Variants in SLC39A11 observed in about 807,000 individuals in gnomAD.
The protein encoded by SLC39A11 is solute carrier family 39 member 11, also known as zinc transporter ZIP11.
Under a neutral mutation model 36.1 loss-of-function variants are expected in SLC39A11, and 33 were observed. That is an observed-to-expected ratio of 0.91 (90% CI 0.69 to 1.22). SLC39A11 has a LOEUF of 1.22. Ranked by LOEUF, SLC39A11 falls within the 50% of genes most tolerant of loss-of-function variation. The pLI is 0.00. For synonymous variants in SLC39A11, 166 were observed against 170.3 expected (o/e 0.97, Z 0.20); for missense variants, 432 against 430.3 (o/e 1.00, Z -0.03).
At chr17:72,726,849 T>C (rs2073952629) in intron 7 of SLC39A11, among the ~76,000 whole-genome samples, 1 of 152,222 alleles carries the variant, frequency 6.6e-6, no homozygotes, top group African/African-American at 2.4e-5. Context: ...CCTCCATGTG[T>C]AATTTAATGG....
intron 6 of SLC39A11, among the ~76,000 whole-genome samples, chr17:72,847,967 A>T (rs2079127409): frequency 6.6e-6 from 1 of 152,214 alleles, no homozygotes; most frequent in African/African-American, 2.4e-5. Context: ...CCTGGGGAAG[A>T]TTATTGCTCA....
intron 5 of SLC39A11, among the ~76,000 whole-genome samples, chr17:72,927,525 C>T (rs1009160117): frequency 2.6e-5 from 4 of 152,108 alleles, no homozygotes; most frequent in African/African-American, 9.7e-5. Context: ...TGCTTTAAAA[C>T]AAAAAACTCC....
At chr17:73,069,413 T>A (rs1003070951) in intron 3 of SLC39A11, among the ~76,000 whole-genome samples, 2 of 152,220 alleles carry the variant, frequency 1.3e-5, no homozygotes, top group African/African-American at 4.8e-5. Flanking sequence ...AAGTGCTCAC[T>A]AAATGGTTGA....
At chr17:72,848,085 G>A (rs1052572293) in intron 6 of SLC39A11, among the ~76,000 whole-genome samples, 26 of 152,290 alleles carry the variant, frequency 1.7e-4, no homozygotes, top group African/African-American at 5.8e-4. Flanking sequence ...CCAACAATGC[G>A]CTCGTAAGTC....
chr17:73,042,743 A>AG (rs1598987294), intron 3 of SLC39A11, among the ~76,000 whole-genome samples: 1 of 152,230 alleles, frequency 6.6e-6, no homozygotes, highest in East Asian at 1.9e-4. Flanking sequence ...CGGAGGTTGC[A>AG]GTGAGCCGAG....
chr17:73,046,125 C>T (rs997290876), intron 3 of SLC39A11, among the ~76,000 whole-genome samples: 9 of 152,148 alleles, frequency 5.9e-5, no homozygotes, highest in African/African-American at 2.2e-4. Flanking sequence ...GAGTTTCTCC[C>T]CCTTCACTCA....
At chr17:72,738,240 G>A (rs559450919) in intron 6 of SLC39A11, among the ~76,000 whole-genome samples, 37 of 152,180 alleles carry the variant, frequency 2.4e-4, no homozygotes, top group Admixed American at 5.9e-4. Context: ...TCCCGACCTC[G>A]TGATCCACCC....
At chr17:72,846,698 C>T (rs993446924) in intron 6 of SLC39A11, among the ~76,000 whole-genome samples, 3 of 152,148 alleles carry the variant, frequency 2.0e-5, no homozygotes, top group Non-Finnish European at 2.9e-5. Flanking sequence ...CATTCCATTG[C>T]TATAAAGTCT....
chr17:72,666,096 C>T (rs1484837770), intron 7 of SLC39A11, among the ~76,000 whole-genome samples: 2 of 152,124 alleles, frequency 1.3e-5, no homozygotes, highest in African/African-American at 2.4e-5. Context: ...CTCTGGGCCT[C>T]GGTGTCTTCA....
rs1431904156 is a variant in SLC39A11 at position 72,897,860 on chromosome 17, G to T, written c.431-48056C>A. ...AGTTGGGAGTCAGTGGTATACTGAG[G>T]GTAGTTAAAGTATCTCACAGAGAAA... On this transcript the variant is annotated intron_variant, in intron 5 of 9. Coordinates refer to ENST00000255559, the MANE Select transcript of SLC39A11 (RefSeq NM_139177.4). 2.6e-5 allele frequency among the ~76,000 whole-genome samples: 4 copies of T among 152,264 alleles called. No homozygotes were observed. The East Asian group carries it at 5.8e-4, about 22-fold the overall frequency.
intron 6 of SLC39A11, among the ~76,000 whole-genome samples, chr17:72,779,051 T>C (rs929602684): frequency 2.6e-5 from 4 of 152,170 alleles, no homozygotes; most frequent in Non-Finnish European, 4.4e-5. Context: ...ACACCCACTT[T>C]TTGGGGCAAG....
chr17:72,837,041 G>C (rs570678535), intron 6 of SLC39A11, among the ~76,000 whole-genome samples: 60 of 152,236 alleles, frequency 3.9e-4, no homozygotes, highest in African/African-American at 1.3e-3. Flanking sequence ...TTTCTTGCAA[G>C]TCGGGGCCCT....
At chr17:72,662,220 G>A (rs62069469) in intron 7 of SLC39A11, among the ~76,000 whole-genome samples, 2,043 of 152,044 alleles carry the variant, frequency 0.013, 18 homozygotes, top group Middle Eastern at 0.024. Flanking sequence ...TACTATGATG[G>A]AGCCATGGCA....
chr17:72,876,425 A>C (rs1373377547), intron 5 of SLC39A11, among the ~76,000 whole-genome samples: 1 of 152,112 alleles, frequency 6.6e-6, no homozygotes. Flanking sequence ...TCACAATCAC[A>C]GGAACTTATG....
At chr17:73,013,368 G>A (rs1464545999) in intron 4 of SLC39A11, among the ~76,000 whole-genome samples, 4 of 152,252 alleles carry the variant, frequency 2.6e-5, no homozygotes, top group South Asian at 2.1e-4. Flanking sequence ...GATTACAGGC[G>A]TGAGCCTCCG....
intron 7 of SLC39A11, among the ~76,000 whole-genome samples, chr17:72,729,451 A>ATTTTTTTT (rs2074119588): frequency 1.6e-4 from 1 of 6,448 alleles, no homozygotes; most frequent in South Asian, 6.8e-3. Flanking sequence ...ATATATATAT[A>ATTTTTTTT]TATATATTTT....
At chr17:72,984,123 T>C (rs1217636012) in intron 4 of SLC39A11, among the ~76,000 whole-genome samples, 1 of 151,858 alleles carries the variant, frequency 6.6e-6, no homozygotes, top group East Asian at 1.9e-4. Flanking sequence ...CACATTGAAA[T>C]AGAGAAACAG....
intron 6 of SLC39A11, among the ~76,000 whole-genome samples, chr17:72,821,331 C>T (rs893447035): frequency 1.3e-5 from 2 of 149,364 alleles, no homozygotes; most frequent in African/African-American, 4.9e-5. Flanking sequence ...GGTAAAACTC[C>T]GTCTCTATTA....
At chr17:72,780,595 A>C (rs952785674) in intron 6 of SLC39A11, among the ~76,000 whole-genome samples, 1 of 150,158 alleles carries the variant, frequency 6.7e-6, no homozygotes, top group Admixed American at 6.7e-5. Flanking sequence ...CAATTCCGGG[A>C]CTTGACAAGT....
Sources: gnomAD v4.1 joint callset for allele counts (sites outside exome capture counted in the v4.1 genomes callset) on GRCh38, gnomAD v4.1.1 for gene constraint, MANE v1.5 for transcripts, NCBI Gene and HGNC (gene_info 2026-07-23, HGNC 2026-07-21) for gene names.